Variants in PTPRN2 observed in about 807,000 individuals in gnomAD.
The protein encoded by PTPRN2 is protein tyrosine phosphatase receptor type N2, also known as receptor-type tyrosine-protein phosphatase N2.
A neutral mutation model predicts 118.8 loss-of-function variants in PTPRN2; 74 were observed. That is an observed-to-expected ratio of 0.62 (90% CI 0.52 to 0.76). PTPRN2 has a LOEUF of 0.76. Ranked by LOEUF, PTPRN2 falls within the 30% of genes least tolerant of loss-of-function variation. The pLI is 0.00. For synonymous variants in PTPRN2, 641 were observed against 608.0 expected (o/e 1.05, Z -0.80); for missense variants, 1,481 against 1,394.4 (o/e 1.06, Z -0.99).
At chr7:158,418,365 T>C (rs7783511) in intron 2 of PTPRN2, among the ~76,000 whole-genome samples, 60,088 of 132,056 alleles carry the variant, frequency 0.46, 15,607 homozygotes, top group Non-Finnish European at 0.5. Context: ...TGTTAAGTCA[T>C]GGTGAACTAC....
At chr7:158,333,452 T>C (rs62480901) in intron 2 of PTPRN2, among the ~76,000 whole-genome samples, 2 of 48,150 alleles carry the variant, frequency 4.2e-5, no homozygotes, top group African/African-American at 8.2e-5. Context: ...TGCAGACGTC[T>C]CTCACACCCA....
chr7:157,973,171 G>A (rs1258448378), intron 11 of PTPRN2, among the ~76,000 whole-genome samples: 3 of 152,244 alleles, frequency 2.0e-5, no homozygotes, highest in African/African-American at 7.2e-5. Context: ...TGGAGCAGCA[G>A]TGGGTGGGAG....
intron 21 of PTPRN2, among the ~76,000 whole-genome samples, chr7:157,553,790 C>T (rs995152425): frequency 3.9e-5 from 6 of 152,224 alleles, no homozygotes; most frequent in African/African-American, 1.4e-4. Context: ...GTGGACGGCT[C>T]CTGCTTCTTG....
chr7:158,171,304 C>CATACAT (rs1344939996), intron 5 of PTPRN2, among the ~76,000 whole-genome samples: 434 of 28,052 alleles, frequency 0.015, 38 homozygotes, highest in African/African-American at 0.023. Flanking sequence ...CATATATATA[C>CATACAT]ACACATATAT....
At chr7:157,749,577 G>T (rs1338437839) in intron 12 of PTPRN2, among the ~76,000 whole-genome samples, 1 of 141,388 alleles carries the variant, frequency 7.1e-6, no homozygotes, top group African/African-American at 2.7e-5. Flanking sequence ...GGGTGATTCT[G>T]AAGCCTGCGG....
At chr7:158,405,345 T>G (rs1260425519) in intron 2 of PTPRN2, among the ~76,000 whole-genome samples, 1 of 152,132 alleles carries the variant, frequency 6.6e-6, no homozygotes, top group Non-Finnish European at 1.5e-5. Context: ...CTCTGAAAGC[T>G]TCGATGTTAG....
At chr7:158,274,794 C>T (rs1798853161) in intron 3 of PTPRN2, among the ~76,000 whole-genome samples, 1 of 152,212 alleles carries the variant, frequency 6.6e-6, no homozygotes, top group Admixed American at 6.5e-5. Context: ...CTGACTGCAG[C>T]TTTCTGGAGG....
intron 11 of PTPRN2, chr7:158,029,171 G>A (rs936788407): frequency 7.6e-6 from 1 of 132,076 alleles, no homozygotes; most frequent in Non-Finnish European, 1.7e-5. Flanking sequence ...CCGGGGGCAC[G>A]GGGTCCGTAT....
chr7:158,394,335 A>C (rs1381335266), intron 2 of PTPRN2, among the ~76,000 whole-genome samples: 2 of 152,136 alleles, frequency 1.3e-5, no homozygotes, highest in African/African-American at 4.8e-5. Flanking sequence ...TGGCACAAAA[A>C]TCCATGGCTG....
Position 158,270,685 on chromosome 7 carries a change from C to G in PTPRN2, c.277+46134G>C, listed in dbSNP as rs375887177. On this transcript the variant is annotated intron_variant, in intron 3 of 22. Transcript: ENST00000389418. ...ACCTGGCTGTCCCTCTCCCTGGGAG[C>G]TTGCTGGGCCACCCCTCTACTGGGC... Among the ~76,000 whole-genome samples, 23 of 151,846 alleles carry G rather than the reference C, an allele frequency of 1.5e-4. No homozygotes were observed. The East Asian group carries it at 3.5e-3, about 23-fold the overall frequency.
intron 2 of PTPRN2, among the ~76,000 whole-genome samples, chr7:158,365,308 G>C (rs189547360): frequency 6.6e-6 from 1 of 152,228 alleles, no homozygotes; most frequent in African/African-American, 2.4e-5. Flanking sequence ...AGACCTCATC[G>C]GCACTTCTGA....
intron 5 of PTPRN2, among the ~76,000 whole-genome samples, chr7:158,183,152 C>T (rs1446689044): frequency 6.6e-6 from 1 of 152,200 alleles, no homozygotes; most frequent in Non-Finnish European, 1.5e-5. Context: ...TATTTTACTA[C>T]CCCTTTACCT....
chr7:157,879,380 TGCACACAC>T (rs1795985886), intron 12 of PTPRN2, among the ~76,000 whole-genome samples: 1 of 152,180 alleles, frequency 6.6e-6, no homozygotes, highest in African/African-American at 2.4e-5. Context: ...CACGTGCATG[TGCACACAC>T]ACACACTCGT....
intron 9 of PTPRN2, among the ~76,000 whole-genome samples, chr7:158,130,877 G>A (rs980820857): frequency 3.8e-5 from 5 of 130,268 alleles, no homozygotes; most frequent in Admixed American, 7.6e-5. Flanking sequence ...ATACACGCAT[G>A]CATATACGCA....
chr7:157,602,255 G>A (rs1801711579), intron 16 of PTPRN2, among the ~76,000 whole-genome samples: 1 of 152,248 alleles, frequency 6.6e-6, no homozygotes, highest in Admixed American at 6.5e-5. Flanking sequence ...TCTCAAAGCT[G>A]AACATGCTCA....
chr7:158,008,981 T>C (rs1488026730), intron 11 of PTPRN2, among the ~76,000 whole-genome samples: 1 of 152,174 alleles, frequency 6.6e-6, no homozygotes, highest in Non-Finnish European at 1.5e-5. Flanking sequence ...TCCAAGATGC[T>C]CTTCCTGCCT....
At chr7:157,993,867 G>A (rs983916710) in intron 11 of PTPRN2, among the ~76,000 whole-genome samples, 3 of 152,098 alleles carry the variant, frequency 2.0e-5, no homozygotes, top group Non-Finnish European at 4.4e-5. Flanking sequence ...AAATGCCAAT[G>A]GCCTCGGAAG....
At chr7:158,397,887 CA>C (rs1812649490) in intron 2 of PTPRN2, among the ~76,000 whole-genome samples, 1 of 144,338 alleles carries the variant, frequency 6.9e-6, no homozygotes, top group African/African-American at 2.5e-5. Flanking sequence ...CTGACAGTAA[CA>C]ATCAAACAGG....
rs77625099 is a variant in PTPRN2, at chr7:157,813,953, C to T, written c.1788+84720G>A. ...GCCGTGAGAGCCCCGACACAAGTCG[C>T]GGTTTGTGGTGCTTTGGAGGAGTTT... On this transcript the variant is annotated intron_variant, in intron 12 of 22. Transcript: ENST00000389418. This position sits in a 1 kb window ranked among gnomAD's most constrained non-coding sequence, Gnocchi z 4.7. Among the ~76,000 whole-genome samples the T allele has an allele frequency of 3.5e-3, 540 of 152,368 alleles. 5 individuals carry two copies. Among genetic ancestry groups the T allele is most frequent in the African/African-American group, 0.012 (490 of 41,582 alleles).
Sources: gnomAD v4.1 joint callset for allele counts (sites outside exome capture counted in the v4.1 genomes callset) on GRCh38, gnomAD v4.1.1 for gene constraint, Gnocchi (gnomAD v3.1) non-coding constraint, MANE v1.5 for transcripts, NCBI Gene and HGNC (gene_info 2026-07-23, HGNC 2026-07-21) for gene names.